Variants in CHFR observed in about 807,000 individuals in gnomAD.
The protein encoded by CHFR is checkpoint with forkhead and ring finger domains, also known as E3 ubiquitin-protein ligase CHFR.
Under a neutral mutation model 87.6 loss-of-function variants are expected in CHFR, and 57 were observed. The ratio of observed to expected loss-of-function variants is 0.65; its 90% CI spans 0.53 to 0.81. The LOEUF (loss-of-function observed/expected upper bound fraction) is 0.81, where lower values mean the gene tolerates loss of function less well. Among genes scored for constraint, CHFR ranks in the 30% least tolerant of loss-of-function variants. CHFR has a pLI of 0.00. For missense variants in CHFR, 797 were observed against 865.8 expected, an observed-to-expected ratio of 0.92 and a Z score of 1.00; for synonymous variants, 381 against 359.2, an observed-to-expected ratio of 1.06 and a Z score of -0.69.
Position 132,837,192 on chromosome 12 carries a change from C to T in CHFR, c.*4362G>A, listed in dbSNP as rs1383628464. On this transcript the variant is annotated 3_prime_UTR_variant, in exon 18 of 18. Coordinates refer to ENST00000450056, the MANE Select transcript of CHFR (RefSeq NM_001161346.2). ...GGGGTGGAGGCAGGGGTCATACATG[C>T]TGGGCCTTCAAGGGCCATGATATGG... is the stretch of plus-strand genomic sequence containing the variant. The T allele has an allele frequency of 3.9e-6, 1 of 253,548 alleles. No individual in the cohort carries two copies. Among genetic ancestry groups the T allele is most frequent in the African/African-American group, 2.3e-5 (1 of 43,740 alleles). The allele number at this position is 253,548 out of a possible 1,614,324, so 15.7% of individuals were successfully genotyped here.
Position 132,851,694 on chromosome 12 carries a change from C to T in CHFR, c.1416G>A (p.Leu472=), listed in dbSNP as rs116286061. ...GCATGGGCTGGAAGCAGCAGGTGCA[C>T]AGGGCGTGGCTTCCTTGCAGAGGGC... ...YVCPLQGSHA[L]CTCCFQPMPD... The change falls in exon 12 of 18, where the codon CTG becomes CTA. Residue 472 remains leucine (L), a synonymous_variant. Transcript: ENST00000450056. The T allele has an allele frequency of 5.5e-4, 884 of 1,613,442 alleles. 2 individuals are homozygous for T. The African/African-American group carries it at 8.4e-3, about 15-fold the overall frequency.
rs770380694 is a variant in CHFR, at chr12:132,857,415, G to C, written c.1056C>G (p.Ile352Met). 6.2e-7 allele frequency: 1 copy of C among 1,614,198 alleles called. No homozygotes were observed. The change falls in exon 9 of 18, where the codon ATC becomes ATG. Residue 352 changes from isoleucine (I) to methionine (M), a missense_variant. This residue lies in a region of CHFR where 597 missense variants were observed against 601.2 expected (regional missense o/e 0.99). Coordinates refer to ENST00000450056, the MANE Select transcript of CHFR (RefSeq NM_001161346.2). ...GATGCCCTCACTTGCCTGGATGCTG[G>C]ATGAGGTATGCTTCCACGAGGTTGT... ...ILNNLVEAYL[I>M]QHPDKSRSEE...
In CHFR at chr12:132,884,482, G is replaced by A. The variant is rs541385187; in HGVS notation, c.133+2714C>T. Among the ~76,000 whole-genome samples the A allele has an allele frequency of 1.9e-4, 29 of 151,856 alleles. No individual in the cohort carries two copies. The East Asian group carries it at 2.1e-3, about 11-fold the overall frequency. ...AATAATCAAGTTCTACAACTGTTAG[G>A]AACTGAATGTTTGTAACTGAGTGTC... On this transcript the variant is annotated intron_variant, in intron 2 of 17. Transcript: ENST00000450056.
chr12:132,873,109 G>C (rs543915355), intron 3 of CHFR, among the ~76,000 whole-genome samples: 2 of 152,114 alleles, frequency 1.3e-5, no homozygotes, highest in Non-Finnish European at 2.9e-5. Context: ...AACGGCAACC[G>C]GGCAAAACGA....
rs549817234 is a variant in CHFR at position 132,861,667 on chromosome 12, T to A, written c.584-33A>T. The A allele has an allele frequency of 3.7e-6, 6 of 1,602,118 alleles. No individual in the cohort carries two copies. The African/African-American group carries it at 8.0e-5, about 21-fold the overall frequency. ...AGGAATCAAACAAGATAGGTGCTGATCCATCCAGCTCAGGAGAGAACCATG... is the reference window on the plus strand; with the variant it reads ...AGGAATCAAACAAGATAGGTGCTGAACCATCCAGCTCAGGAGAGAACCATG... On this transcript the variant is annotated intron_variant, in intron 6 of 17. Coordinates refer to ENST00000450056, the MANE Select transcript of CHFR (RefSeq NM_001161346.2).
intron 5 of CHFR, 31 bp from the exon 6 acceptor site, chr12:132,869,829 T>C: frequency 6.4e-7 from 1 of 1,550,868 alleles, no homozygotes; most frequent in Non-Finnish European, 8.7e-7. Flanking sequence ...TTTTCCTTGT[T>C]AGCTTCTGTA....
chr12:132,857,495 G>A lies in CHFR; in HGVS notation c.976C>T (p.Leu326=). ...ACGGGACAGCGGCAGGTAGGACACA[G>A]GGACGAGCGCTCCATCCAGCCCGAG... The part of the protein sequence containing the change: ...CYSGWMERSS[L]CPTCRCPVER... Residue 326 remains leucine (L), a synonymous_variant, in exon 9 of 18, where the codon CTG becomes TTG. Coordinates refer to ENST00000450056, the MANE Select transcript of CHFR (RefSeq NM_001161346.2). 1 of 1,614,188 alleles carries A rather than the reference G, an allele frequency of 6.2e-7. No homozygotes were observed. The highest frequency in any genetic ancestry group is 8.5e-7 in the Non-Finnish European group (1 of 1,180,024).
At position 132,838,117 on chromosome 12, in the gene CHFR, G is replaced by A. The variant is rs1309507815; in HGVS notation, c.*3437C>T. 1 of 152,442 alleles carries A rather than the reference G, an allele frequency of 6.6e-6. No individual in the cohort carries two copies. The highest frequency in any genetic ancestry group is 1.5e-5 in the Non-Finnish European group (1 of 68,230). The allele number at this position is 152,442 out of a possible 1,614,324, so 9.4% of individuals were successfully genotyped here. ...CACCAGGAAACCCTTGCTGGCGGAA[G>A]CCCCTTCCAAACTCAGCTGCCTCTC... On this transcript the variant is annotated 3_prime_UTR_variant, in exon 18 of 18. Coordinates refer to ENST00000450056, the MANE Select transcript of CHFR (RefSeq NM_001161346.2).
In CHFR at chr12:132,872,655, G is replaced by A. The variant is rs1951518365; in HGVS notation, c.234-261C>T. Among the ~76,000 whole-genome samples the A allele has an allele frequency of 2.0e-5, 3 of 152,260 alleles. No homozygotes were observed. In the South Asian group the frequency reaches 6.2e-4, roughly 32 times the overall value. On this transcript the variant is annotated intron_variant, in intron 3 of 17. Coordinates refer to ENST00000450056, the MANE Select transcript of CHFR (RefSeq NM_001161346.2). Reference sequence around the variant, plus strand: ...TTGGCAGCTCTGCTGCTGCAGGGCTGGGTTCTCTCCCCGTTTGCCTCCTAG... The same window carrying A: ...TTGGCAGCTCTGCTGCTGCAGGGCTAGGTTCTCTCCCCGTTTGCCTCCTAG...
chr12:132,884,149 T>C (rs1324402914), intron 2 of CHFR, among the ~76,000 whole-genome samples: 1 of 151,008 alleles, frequency 6.6e-6, no homozygotes, highest in Non-Finnish European at 1.5e-5. Flanking sequence ...CCGGGCACAG[T>C]GGCTCACGCC....
intron 11 of CHFR, 150 bp downstream of exon 11, chr12:132,853,281 G>T: frequency 1.3e-6 from 1 of 769,078 alleles, no homozygotes; most frequent in Non-Finnish European, 1.9e-6. Context: ...AACCAACTGT[G>T]AGTGCAGGGA....
At chr12:132,854,435 C>G (rs765151194) in intron 10 of CHFR, 1 of 152,198 alleles carries the variant, frequency 6.6e-6, no homozygotes, top group South Asian at 2.1e-4. Flanking sequence ...TGCACAAATA[C>G]GGATGGAAGA....
intron 2 of CHFR, among the ~76,000 whole-genome samples, chr12:132,882,234 A>G (rs1951785928): frequency 6.6e-6 from 1 of 152,338 alleles, no homozygotes. Flanking sequence ...CTGCTCATCC[A>G]TGCAACAAGG....
At chr12:132,858,353 C>CTT (rs1478590407) in intron 8 of CHFR, among the ~76,000 whole-genome samples, 2 of 151,700 alleles carry the variant, frequency 1.3e-5, no homozygotes, top group Non-Finnish European at 2.9e-5. Context: ...GAGCGAGACT[C>CTT]TAACTCCAAA....
intron 15 of CHFR, among the ~76,000 whole-genome samples, chr12:132,845,688 T>C (rs917576819): frequency 3.3e-5 from 5 of 151,954 alleles, no homozygotes; most frequent in South Asian, 2.1e-4. Flanking sequence ...TGATAAATTA[T>C]CATACTCCAC....
intron 16 of CHFR, among the ~76,000 whole-genome samples, chr12:132,843,551 T>G (rs1166913399): frequency 6.6e-6 from 1 of 152,334 alleles, no homozygotes; most frequent in East Asian, 1.9e-4. Context: ...CATGAGTAAC[T>G]GCAAATAGAC....
rs142511371 is a variant in CHFR, at chr12:132,851,637, C to T, written c.1473G>A (p.Pro491=). The T allele has an allele frequency of 1.8e-4, 291 of 1,612,230 alleles. No homozygotes were observed. The highest frequency in any genetic ancestry group is 2.5e-4 in the East Asian group (11 of 44,884). Residue 491 remains proline (P), a synonymous_variant, in exon 12 of 18, where the codon CCG becomes CCA. Transcript: ENST00000450056. ...PDRRAEREQD[P]RVAPQQCAVC... is the part of the protein sequence containing the mutation. ...ACTCACACTGCTGAGGGGCGACACG[C>T]GGGTCCTGCTCGCGCTCCGCTCTCC... is the stretch of plus-strand genomic sequence containing the variant.
At position 132,872,285 on chromosome 12, in the gene CHFR, TG is replaced by T; in HGVS notation, c.342del (p.His114GlnfsTer10). 1 of 1,601,010 alleles carries T rather than the reference TG, an allele frequency of 6.2e-7. No individual in the cohort carries two copies. Among genetic ancestry groups the T allele is most frequent in the Non-Finnish European group, 8.6e-7 (1 of 1,168,052 alleles). The stretch of plus-strand genomic sequence containing the variant: ...CCCGGCAAGCCTTCCTCTCTCTTAC[TG>T]TGTTCCGGTTCATTCTTCCTGTACA... ...YLVYRKNEPE[H>X]NVAYLYESLS... On this transcript the variant is annotated frameshift_variant and splice_region_variant, in exon 4 of 18. Transcript: ENST00000450056. LOFTEE classifies it high-confidence loss of function.
chr12:132,875,576 T>C (rs1011003763), intron 3 of CHFR, among the ~76,000 whole-genome samples: 7 of 151,722 alleles, frequency 4.6e-5, no homozygotes, highest in Non-Finnish European at 1.0e-4. Flanking sequence ...TGAGCCGAGA[T>C]CGCACCAACA....
Sources: gnomAD v4.1 joint callset for allele counts (sites outside exome capture counted in the v4.1 genomes callset) on GRCh38, gnomAD v4.1.1 for gene constraint, gnomAD v4.1.1 regional missense constraint, MANE v1.5 for transcripts, NCBI Gene and HGNC (gene_info 2026-07-23, HGNC 2026-07-21) for gene names.